SEMA6D: variants seen among roughly 807,000 people sequenced by gnomAD.
SEMA6D encodes the protein semaphorin 6D, also known as semaphorin-6D.
Under a neutral mutation model 106.6 loss-of-function variants are expected in SEMA6D, and 35 were observed. That is an observed-to-expected ratio of 0.33 (90% confidence interval 0.25 to 0.44). The LOEUF is 0.44. Among genes scored for constraint, SEMA6D ranks in the 20% least tolerant of loss-of-function variants. SEMA6D has a pLI of 1.00. For synonymous variants in SEMA6D, 499 were observed against 487.7 expected (o/e 1.02, Z -0.31); for missense variants, 1,185 against 1,345.9 (o/e 0.88, Z 1.87).
chr15:47,231,526 A>T (rs187925872), intron 1 of SEMA6D, among the ~76,000 whole-genome samples: 3 of 152,210 alleles, frequency 2.0e-5, no homozygotes, highest in Admixed American at 6.6e-5. Context: ...CTTTCCAGGC[A>T]GGGATGCTTT....
intron 1 of SEMA6D, among the ~76,000 whole-genome samples, chr15:47,720,947 C>T (rs1384682062): frequency 1.3e-5 from 2 of 152,120 alleles, no homozygotes; most frequent in Non-Finnish European, 2.9e-5. Flanking sequence ...TGTTATATTG[C>T]GTGATAAAAT....
intron 3 of SEMA6D, among the ~76,000 whole-genome samples, chr15:47,560,673 ATTAAAGTC>A (rs1431386666): frequency 1.3e-5 from 2 of 152,156 alleles, no homozygotes; most frequent in African/African-American, 4.8e-5. Context: ...CCAAAAAGAC[ATTAAAGTC>A]TTAATTCCCA....
rs183121086 is a variant in SEMA6D at position 47,344,166 on chromosome 15, C to T, written c.-238-68227C>T. On this transcript the variant is annotated intron_variant, in intron 1 of 19. Coordinates refer to the SEMA6D transcript ENST00000558014. ...AAACTAGTTCAACCATTGTGGAAGT[C>T]GGTGTGGCGATTCCTCACTTGGATT... Among the ~76,000 whole-genome samples the T allele has an allele frequency of 2.7e-3, 406 of 148,950 alleles. 4 individuals are homozygous for T. Among genetic ancestry groups the T allele is most frequent in the African/African-American group, 9.7e-3 (380 of 39,330 alleles).
At chr15:47,656,175 G>A (rs1407353277) in intron 4 of SEMA6D, among the ~76,000 whole-genome samples, 1 of 152,198 alleles carries the variant, frequency 6.6e-6, no homozygotes, top group East Asian at 1.9e-4. Flanking sequence ...TGTTGGCTGT[G>A]TGTTTAACAC....
In SEMA6D at chr15:47,746,799, T is replaced by C. The variant is rs1036613147; in HGVS notation, c.-54-12946T>C. Among the ~76,000 whole-genome samples the C allele has an allele frequency of 3.3e-5, 5 of 152,110 alleles. No homozygotes were observed. The East Asian group carries it at 9.7e-4, about 29-fold the overall frequency. On this transcript the variant is annotated intron_variant, in intron 1 of 18. Transcript: ENST00000536845. ...CCTTCCTTTGTCTAGAATGGCTCCT[T>C]TTCCTGGAGGCTGAAGGGGAGGAGC...
chr15:47,656,532 C>T (rs1250138960), intron 4 of SEMA6D, among the ~76,000 whole-genome samples: 1 of 152,172 alleles, frequency 6.6e-6, no homozygotes, highest in Non-Finnish European at 1.5e-5. Flanking sequence ...AATGAACACA[C>T]TTACTCTATT....
chr15:47,539,599 A>T (rs998102083), intron 3 of SEMA6D, among the ~76,000 whole-genome samples: 1 of 152,154 alleles, frequency 6.6e-6, no homozygotes, highest in South Asian at 2.1e-4. Context: ...TAATTTTTGT[A>T]TTTTTAGGAG....
At chr15:47,277,645 G>T (rs1200882636) in intron 1 of SEMA6D, among the ~76,000 whole-genome samples, 3 of 148,510 alleles carry the variant, frequency 2.0e-5, no homozygotes, top group Admixed American at 6.7e-5. Context: ...AAGTTTTAGG[G>T]TACATGTGCA....
intron 3 of SEMA6D, among the ~76,000 whole-genome samples, chr15:47,471,798 T>C (rs2035820701): frequency 6.6e-6 from 1 of 152,092 alleles, no homozygotes; most frequent in Non-Finnish European, 1.5e-5. Context: ...TGAAAGAAAA[T>C]GCCGGTAGTA....
At chr15:47,411,637 A>C (rs946933814) in intron 1 of SEMA6D, among the ~76,000 whole-genome samples, 5 of 152,154 alleles carry the variant, frequency 3.3e-5, no homozygotes, top group African/African-American at 1.2e-4. Flanking sequence ...TATTTCTGAA[A>C]CTAAGGTTTC....
intron 1 of SEMA6D, among the ~76,000 whole-genome samples, chr15:47,193,011 A>G (rs1025127833): frequency 6.6e-6 from 1 of 152,058 alleles, no homozygotes; most frequent in African/African-American, 2.4e-5. Flanking sequence ...GGTCTGAGAA[A>G]CCATCATTTT....
At chr15:47,722,717 A>T (rs914946355) in intron 1 of SEMA6D, among the ~76,000 whole-genome samples, 1 of 152,222 alleles carries the variant, frequency 6.6e-6, no homozygotes, top group Admixed American at 6.5e-5. Context: ...TAGTGAAATC[A>T]GCCACAAAAC....
intron 3 of SEMA6D, among the ~76,000 whole-genome samples, chr15:47,478,663 C>T (rs373463215): frequency 7.9e-5 from 12 of 152,216 alleles, no homozygotes; most frequent in African/African-American, 2.9e-4. Context: ...GTGGCTTAGT[C>T]AGAACTTTAG....
chr15:47,501,401 G>A (rs994839820), intron 3 of SEMA6D, among the ~76,000 whole-genome samples: 15 of 152,276 alleles, frequency 9.9e-5, no homozygotes, highest in Non-Finnish European at 1.6e-4. Flanking sequence ...CACATCAGGG[G>A]TTTGCCATAT....
rs539449559 is a variant in SEMA6D at position 47,327,915 on chromosome 15, A to G, written c.-238-84478A>G. On this transcript the variant is annotated intron_variant, in intron 1 of 19. Transcript: ENST00000558014. ...CAAGGTACTATTAATAGTTTTTTTCATTTAACTATCTCAGCGTTATACCTA... is the reference window on the plus strand; with the variant it reads ...CAAGGTACTATTAATAGTTTTTTTCGTTTAACTATCTCAGCGTTATACCTA... Among the ~76,000 whole-genome samples the G allele has an allele frequency of 3.4e-3, 521 of 152,276 alleles. 6 individuals carry two copies. Among genetic ancestry groups the G allele is most frequent in the African/African-American group, 0.012 (505 of 41,570 alleles).
At chr15:47,583,733 C>A (rs1414112397) in intron 3 of SEMA6D, among the ~76,000 whole-genome samples, 1 of 152,130 alleles carries the variant, frequency 6.6e-6, no homozygotes, top group African/African-American at 2.4e-5. Context: ...TATTCCAGGA[C>A]ATGTGGCCAA....
chr15:47,398,503 G>A (rs1289302433), intron 1 of SEMA6D, among the ~76,000 whole-genome samples: 1 of 152,102 alleles, frequency 6.6e-6, no homozygotes, highest in Non-Finnish European at 1.5e-5. Context: ...GTTTTGGGAG[G>A]GGGATGGTTT....
chr15:47,343,248 T>TTATTATTA (rs1555425175), intron 1 of SEMA6D, among the ~76,000 whole-genome samples: 74 of 146,146 alleles, frequency 5.1e-4, no homozygotes, highest in Middle Eastern at 3.5e-3. Flanking sequence ...TAGTTGGATT[T>TTATTATTA]TTATTATTAT....
At chr15:47,196,562 T>G (rs1894376105) in intron 1 of SEMA6D, among the ~76,000 whole-genome samples, 2 of 152,204 alleles carry the variant, frequency 1.3e-5, no homozygotes, top group Admixed American at 6.5e-5. Context: ...CTTTTTTCCT[T>G]CTTTGGTTCT....
Sources: gnomAD v4.1 joint callset for allele counts (sites outside exome capture counted in the v4.1 genomes callset) on GRCh38, gnomAD v4.1.1 for gene constraint, MANE v1.5 for transcripts, NCBI Gene and HGNC (gene_info 2026-07-23, HGNC 2026-07-21) for gene names.